Variants in PDGFD observed in about 807,000 individuals in gnomAD.
PDGFD encodes the protein platelet-derived growth factor D.
Under a neutral mutation model 44.7 loss-of-function variants are expected in PDGFD, and 30 were observed. The ratio of observed to expected loss-of-function variants is 0.67; its 90% CI spans 0.50 to 0.91. PDGFD has a LOEUF of 0.91. PDGFD is among the 40% of genes least tolerant of loss of function. The pLI is 0.00. For missense variants in PDGFD, 445 were observed against 457.8 expected, an observed-to-expected ratio of 0.97 and a Z score of 0.25; for synonymous variants, 173 against 168.4, an observed-to-expected ratio of 1.03 and a Z score of -0.21.
intron 1 of PDGFD, among the ~76,000 whole-genome samples, chr11:104,106,934 G>C (rs1861479343): frequency 6.6e-6 from 1 of 151,768 alleles, no homozygotes; most frequent in African/African-American, 2.4e-5. Flanking sequence ...AGTAGAGATG[G>C]GGGTTTCACC....
Position 103,908,425 on chromosome 11 carries a change from T to A in PDGFD, c.*1269A>T, listed in dbSNP as rs1314736495. ...TGACAACTGGCTTCTTAAAGCAAGCTCCATAGATTAAGAACCATAGCCTCT... is the reference window on the plus strand; with the variant it reads ...TGACAACTGGCTTCTTAAAGCAAGCACCATAGATTAAGAACCATAGCCTCT... On this transcript the variant is annotated 3_prime_UTR_variant, in exon 7 of 7. Transcript: ENST00000393158. The A allele has an allele frequency of 6.6e-6, 1 of 152,204 alleles. No homozygotes were observed. The highest frequency in any genetic ancestry group is 1.5e-5 in the Non-Finnish European group (1 of 68,026). 9.4% of individuals were successfully genotyped at this position (152,204 alleles called of 1,614,324 possible).
chr11:104,160,738 T>C (rs577030801), intron 1 of PDGFD, among the ~76,000 whole-genome samples: 2 of 152,176 alleles, frequency 1.3e-5, no homozygotes, highest in Non-Finnish European at 2.9e-5. Flanking sequence ...CCCTCCTTCA[T>C]TGGGCCACAT....
intron 1 of PDGFD, among the ~76,000 whole-genome samples, chr11:104,154,773 A>G (rs1171166951): frequency 6.6e-6 from 1 of 152,240 alleles, no homozygotes; most frequent in Non-Finnish European, 1.5e-5. Context: ...CAACATATTC[A>G]GACACAGACT....
intron 6 of PDGFD, among the ~76,000 whole-genome samples, chr11:103,925,556 C>A (rs1858294615): frequency 6.6e-6 from 1 of 151,270 alleles, no homozygotes; most frequent in African/African-American, 2.4e-5. Flanking sequence ...TGAGTCAAAA[C>A]TTTAGTGACT....
chr11:104,079,615 C>A (rs1472107586), intron 1 of PDGFD, among the ~76,000 whole-genome samples: 1 of 152,048 alleles, frequency 6.6e-6, no homozygotes, highest in African/African-American at 2.4e-5. Flanking sequence ...TCTCAAACTC[C>A]CGACCTCATT....
chr11:104,005,094 G>C (rs1859680875), intron 1 of PDGFD, among the ~76,000 whole-genome samples: 1 of 152,052 alleles, frequency 6.6e-6, no homozygotes, highest in African/African-American at 2.4e-5. Flanking sequence ...GGCCAGGCTG[G>C]TCTTGAACGC....
intron 1 of PDGFD, among the ~76,000 whole-genome samples, chr11:104,162,675 A>G (rs531662911): frequency 5.3e-5 from 8 of 152,280 alleles, no homozygotes; most frequent in African/African-American, 1.9e-4. Context: ...GTTTCCCTGC[A>G]AAGTCCAAAA....
chr11:104,037,468 G>A (rs748236770), intron 1 of PDGFD: 11 of 1,614,010 alleles, frequency 6.8e-6, no homozygotes, highest in Non-Finnish European at 9.3e-6. Flanking sequence ...CAAAATAGAA[G>A]AGGAAATCCG....
At chr11:104,149,456 A>T (rs1862210895) in intron 1 of PDGFD, among the ~76,000 whole-genome samples, 1 of 152,172 alleles carries the variant, frequency 6.6e-6, no homozygotes, top group South Asian at 2.1e-4. Context: ...ATAATTATAT[A>T]CCCAAGTTCG....
chr11:103,959,783 G>A (rs1415454097), intron 3 of PDGFD, among the ~76,000 whole-genome samples: 3 of 152,110 alleles, frequency 2.0e-5, no homozygotes, highest in Non-Finnish European at 4.4e-5. Context: ...AGACCTCCTG[G>A]GGGCAACTGC....
intron 1 of PDGFD, among the ~76,000 whole-genome samples, chr11:104,022,135 G>C (rs993813329): frequency 1.5e-4 from 23 of 152,146 alleles, no homozygotes; most frequent in African/African-American, 4.8e-4. Flanking sequence ...ATTCACGAAA[G>C]AGTAGGGATT....
intron 6 of PDGFD, among the ~76,000 whole-genome samples, chr11:103,926,027 C>T (rs1271850583): frequency 6.6e-6 from 1 of 152,070 alleles, no homozygotes; most frequent in Non-Finnish European, 1.5e-5. Context: ...CTGCGCCCGG[C>T]CTATCTTTTA....
At chr11:104,077,834 AG>A (rs1860986703) in intron 1 of PDGFD, among the ~76,000 whole-genome samples, 2 of 152,170 alleles carry the variant, frequency 1.3e-5, no homozygotes, top group Non-Finnish European at 2.9e-5. Context: ...TTCAAACTTC[AG>A]ATTCTCCAAC....
chr11:104,098,243 TAGACACCAC>T (rs1433861185), intron 1 of PDGFD, among the ~76,000 whole-genome samples: 1 of 152,110 alleles, frequency 6.6e-6, no homozygotes, highest in African/African-American at 2.4e-5. Flanking sequence ...AAGCAAAGAT[TAGACACCAC>T]AGCTACCCTG....
At chr11:104,119,224 A>G (rs1162028859) in intron 1 of PDGFD, among the ~76,000 whole-genome samples, 2 of 14,012 alleles carry the variant, frequency 1.4e-4, no homozygotes, top group Admixed American at 2.0e-3. Context: ...TAATATATTG[A>G]TATAATATAT....
Position 104,154,161 on chromosome 11 carries a change from T to C in PDGFD, c.124+9643A>G, listed in dbSNP as rs111356402. On this transcript the variant is annotated intron_variant, in intron 1 of 6. Transcript: ENST00000393158. ...TACAATATGACACTGGTTTTATCTT[T>C]GAATGTTCTTTCTTTTCCTATTAAC... Among the ~76,000 whole-genome samples, 1,314 of 152,330 alleles carry C rather than the reference T, an allele frequency of 8.6e-3. 21 individuals are homozygous for C. The highest frequency in any genetic ancestry group is 0.03 in the African/African-American group (1,232 of 41,576).
chr11:104,087,504 C>T (rs780515486), intron 1 of PDGFD, among the ~76,000 whole-genome samples: 1 of 152,074 alleles, frequency 6.6e-6, no homozygotes, highest in Non-Finnish European at 1.5e-5. Context: ...ACTGAGCCAC[C>T]GTGCCCAACC....
intron 1 of PDGFD, among the ~76,000 whole-genome samples, chr11:104,141,668 T>C (rs547193459): frequency 6.6e-6 from 1 of 152,238 alleles, no homozygotes. Flanking sequence ...GAGCCCTAAA[T>C]GCAATCTCAC....
chr11:104,099,819 T>C (rs57661136), intron 1 of PDGFD, among the ~76,000 whole-genome samples: 2,444 of 152,112 alleles, frequency 0.016, 51 homozygotes, highest in African/African-American at 0.056. Context: ...AATTCTAGTA[T>C]TTAATATTTA....
Sources: gnomAD v4.1 joint callset for allele counts (sites outside exome capture counted in the v4.1 genomes callset) on GRCh38, gnomAD v4.1.1 for gene constraint, MANE v1.5 for transcripts, NCBI Gene and HGNC (gene_info 2026-07-23, HGNC 2026-07-21) for gene names.